Variants in CFAP43 observed in about 807,000 individuals in gnomAD.
The protein encoded by CFAP43 is cilia- and flagella-associated protein 43.
In CFAP43, 155 loss-of-function variants were observed where a neutral mutation model predicts 218.9. That is an observed-to-expected ratio of 0.71 (90% CI 0.62 to 0.81). The LOEUF is 0.81. CFAP43 is among the 30% of genes least tolerant of loss of function. CFAP43 has a pLI of 0.00. For missense variants in CFAP43, 1,778 were observed against 1,954.3 expected, an observed-to-expected ratio of 0.91 and a Z score of 1.70; for synonymous variants, 645 against 681.3, an observed-to-expected ratio of 0.95 and a Z score of 0.83.
chr10:104,155,500 T>TGG (rs1564731094), intron 27 of CFAP43, among the ~76,000 whole-genome samples: 6 of 152,210 alleles, frequency 3.9e-5, no homozygotes, highest in Admixed American at 3.3e-4. Flanking sequence ...ACAGTTACTA[T>TGG]ATAACCGTCT....
chr10:104,168,826 T>A lies in CFAP43; in HGVS notation c.2609A>T (p.His870Leu). 6.2e-7 allele frequency: 1 copy of A among 1,613,508 alleles called. No individual in the cohort carries two copies. Among genetic ancestry groups the A allele is most frequent in the Non-Finnish European group, 8.5e-7 (1 of 1,179,654 alleles). Residue 870 changes from histidine to leucine, a missense_variant, in exon 21 of 38, where the codon CAT (histidine) becomes CTT (leucine). Transcript: ENST00000357060. ...AGCCAAATAGCTCTTGGCTAAGTTA[T>A]GCATCTCTACATCCTTTATCATCTT... ...VAKMIKDVEM[H>L]NLAKSYLAEL...
At chr10:104,204,724 C>T (rs370564798) in intron 7 of CFAP43, among the ~76,000 whole-genome samples, 23 of 152,146 alleles carry the variant, frequency 1.5e-4, no homozygotes, top group East Asian at 1.9e-4. Context: ...GGTGTATGTG[C>T]TCCAGATGGC....
intron 20 of CFAP43, among the ~76,000 whole-genome samples, chr10:104,169,814 A>T (rs139528223): frequency 5.9e-5 from 9 of 152,312 alleles, no homozygotes; most frequent in African/African-American, 1.9e-4. Flanking sequence ...ATTTCTTTCT[A>T]AATAGACAGC....
In CFAP43 at chr10:104,224,474, T is replaced by A. The variant is rs186533235; in HGVS notation, c.416+987A>T. Among the ~76,000 whole-genome samples, 845 of 151,934 alleles carry A rather than the reference T, an allele frequency of 5.6e-3. 16 individuals are homozygous for A. The highest frequency in any genetic ancestry group is 0.02 in the African/African-American group (810 of 41,414). ...CCTCAATAAAGCTGTTTTAAAAAAATTTTAGGGCGGTGGCTCATGCCTGTA... is the reference window on the plus strand; with the variant it reads ...CCTCAATAAAGCTGTTTTAAAAAAAATTTAGGGCGGTGGCTCATGCCTGTA... On this transcript the variant is annotated intron_variant, in intron 3 of 37. Transcript: ENST00000357060.
chr10:104,132,019 A>C (rs2087218123), intron 36 of CFAP43, 97 bp downstream of exon 36: 1 of 918,074 alleles, frequency 1.1e-6, no homozygotes, highest in Non-Finnish European at 1.6e-6. Context: ...CCAAGATTTT[A>C]TTAGGGTCTA....
intron 8 of CFAP43, chr10:104,203,349 C>T (rs1340510991): frequency 1.3e-5 from 4 of 316,126 alleles, no homozygotes; most frequent in Admixed American, 5.0e-5. Flanking sequence ...TAACTGTTAA[C>T]ACCATAAGCG....
intron 5 of CFAP43, among the ~76,000 whole-genome samples, chr10:104,211,227 CA>C (rs1209525443): frequency 1.3e-5 from 2 of 152,082 alleles, no homozygotes; most frequent in African/African-American, 4.8e-5. Context: ...TTCAATATAT[CA>C]TTGCAAAATG....
At chr10:104,173,131 A>G (rs1306577647) in intron 19 of CFAP43, among the ~76,000 whole-genome samples, 9 of 152,216 alleles carry the variant, frequency 5.9e-5, no homozygotes, top group African/African-American at 1.7e-4. Context: ...AAGCACTTAC[A>G]AATAAAAACA....
At chr10:104,229,499 T>TA (rs34183569) in intron 2 of CFAP43, among the ~76,000 whole-genome samples, 38,848 of 97,786 alleles carry the variant, frequency 0.4, 5,617 homozygotes, top group Middle Eastern at 0.49. Context: ...GCCAAAAACA[T>TA]AAAAAAAAAA....
At chr10:104,211,785 G>A (rs556511401) in intron 5 of CFAP43, among the ~76,000 whole-genome samples, 1 of 152,196 alleles carries the variant, frequency 6.6e-6, no homozygotes, top group African/African-American at 2.4e-5. Context: ...AATCACACCT[G>A]GGCCCCCTGT....
intron 16 of CFAP43, 137 bp downstream of exon 16, chr10:104,184,879 A>C (rs2089980213): frequency 7.3e-7 from 1 of 1,363,972 alleles, no homozygotes; most frequent in Non-Finnish European, 9.7e-7. Flanking sequence ...TTCTCTTGGG[A>C]TCTGTGAGTA....
chr10:104,203,923 T>C (rs889194674), intron 7 of CFAP43, 120 bp from the exon 8 acceptor site: 5 of 885,974 alleles, frequency 5.6e-6, no homozygotes, highest in African/African-American at 1.7e-5. Context: ...TCATCATCTA[T>C]GTTTGCATAG....
chr10:104,225,697 G>A (rs2091289620), intron 2 of CFAP43, 140 bp from the exon 3 acceptor site: 8 of 688,356 alleles, frequency 1.2e-5, no homozygotes, highest in Admixed American at 6.9e-5. Context: ...GAAAGATCCT[G>A]GCTAATTTCT....
chr10:104,150,567 C>A (rs1353115250), intron 28 of CFAP43, among the ~76,000 whole-genome samples: 1 of 152,138 alleles, frequency 6.6e-6, no homozygotes, highest in African/African-American at 2.4e-5. Flanking sequence ...CTGTTGGGAT[C>A]CTGGGGATAT....
intron 32 of CFAP43, 31 bp downstream of exon 32, chr10:104,143,395 A>G: frequency 6.4e-7 from 1 of 1,571,472 alleles, no homozygotes; most frequent in Non-Finnish European, 8.7e-7. Flanking sequence ...TTAGTACACT[A>G]AAAATTAAAT....
rs770451538 is a variant in CFAP43, at chr10:104,182,458, T to C, written c.2197A>G (p.Ile733Val). 2.5e-6 allele frequency: 4 copies of C among 1,612,524 alleles called. No individual in the cohort carries two copies. In the East Asian group the frequency reaches 8.9e-5, roughly 36 times the overall value. Residue 733 changes from isoleucine (I) to valine (V), a missense_variant, in exon 17 of 38, where the codon ATT becomes GTT. Transcript: ENST00000357060. ...TTGTCCATGGCGCTGCTCAGGGAAA[T>C]TAATAGTTTCTGGTAATAGTCCAGA... ...EILDYYQKLL[I>V]SLSSAMDKEN... is the part of the protein sequence containing the mutation.
rs1262736589 is a variant in CFAP43 at position 104,214,258 on chromosome 10, C to T, written c.584+1G>A. Reference sequence around the variant, plus strand: ...GCTACTGTTGTAACAAAGGCTCCTACCTTGCTCTGAAACAATGCTCCTGGT... The same window carrying T: ...GCTACTGTTGTAACAAAGGCTCCTATCTTGCTCTGAAACAATGCTCCTGGT... On this transcript the variant is annotated splice_donor_variant, in intron 4 of 37. Transcript: ENST00000357060. LOFTEE classifies it high-confidence loss of function. The T allele has an allele frequency of 1.3e-6, 2 of 1,584,492 alleles. No individual in the cohort carries two copies. Among genetic ancestry groups the T allele is most frequent in the East Asian group, 2.3e-5 (1 of 44,242 alleles).
At chr10:104,199,948 G>C (rs1401888263) in intron 8 of CFAP43, among the ~76,000 whole-genome samples, 1 of 150,608 alleles carries the variant, frequency 6.6e-6, no homozygotes, top group Non-Finnish European at 1.5e-5. Flanking sequence ...AGTTTTATTG[G>C]GGGGTCTGAA....
chr10:104,180,586 C>G (rs575915776), intron 17 of CFAP43, among the ~76,000 whole-genome samples: 45 of 151,876 alleles, frequency 3.0e-4, no homozygotes, highest in Non-Finnish European at 5.9e-4. Context: ...GCTGGGACTA[C>G]AGGTGCGTGC....
Sources: gnomAD v4.1 joint callset for allele counts (sites outside exome capture counted in the v4.1 genomes callset) on GRCh38, gnomAD v4.1.1 for gene constraint, MANE v1.5 for transcripts, NCBI Gene and HGNC (gene_info 2026-07-23, HGNC 2026-07-21) for gene names.